The following TRPC3 variants were observed in gnomAD, a reference collection of about 807,000 sequenced individuals.
TRPC3 encodes the protein short transient receptor potential channel 3.
A neutral mutation model predicts 90.9 loss-of-function variants in TRPC3; 54 were observed. That is an observed-to-expected ratio of 0.59 (90% CI 0.48 to 0.75). TRPC3 has a LOEUF of 0.75. TRPC3 is among the 30% of genes least tolerant of loss of function. The probability of loss-of-function intolerance (pLI) is 0.00; values close to 1 mark genes in which losing one functional copy is unlikely to be tolerated. For missense variants in TRPC3, 918 were observed against 1,194.5 expected (o/e 0.77, Z 3.41); for synonymous variants, 424 against 450.9 (o/e 0.94, Z 0.75).
At chr4:121,942,470 A>G (rs1730353001) in intron 1 of TRPC3, among the ~76,000 whole-genome samples, 1 of 152,164 alleles carries the variant, frequency 6.6e-6, no homozygotes, top group South Asian at 2.1e-4. Context: ...GCTGAGGCAC[A>G]AGAATCAAGA....
rs201270718 is a variant in TRPC3 at position 121,951,535 on chromosome 4, G to C, written c.146C>G (p.Pro49Arg). 7.1e-7 allele frequency: 1 copy of C among 1,404,336 alleles called. No homozygotes were observed. The highest frequency in any genetic ancestry group is 1.5e-5 in the African/African-American group (1 of 65,928). 87.0% of individuals were successfully genotyped at this position (1,404,336 alleles called of 1,614,324 possible). Reference protein sequence around the residue: ...GWRGVNGGLEPRSAPSQREPH... With the variant: ...GWRGVNGGLERRSAPSQREPH... ...CTCCCGCTGCGAGGGCGCCGAGCGCGGCTCCAGCCCCCCGTTGACGCCCCT... is the reference window on the plus strand; with the variant it reads ...CTCCCGCTGCGAGGGCGCCGAGCGCCGCTCCAGCCCCCCGTTGACGCCCCT... The change falls in exon 1 of 12, where the codon CCG becomes CGG. Residue 49 changes from proline to arginine, a missense_variant. Pro to Arg is a moderately radical substitution (Grantham distance 103). Transcript: ENST00000379645. This position sits in a 1 kb window ranked among gnomAD's most constrained non-coding sequence, Gnocchi z 4.4.
At chr4:121,945,460 G>A (rs1270191123) in intron 1 of TRPC3, among the ~76,000 whole-genome samples, 1 of 152,152 alleles carries the variant, frequency 6.6e-6, no homozygotes, top group Non-Finnish European at 1.5e-5. Context: ...AAGGAGATGA[G>A]TTGTTAAAAT....
chr4:121,921,703 G>C (rs1472530753), intron 3 of TRPC3, among the ~76,000 whole-genome samples: 1 of 151,950 alleles, frequency 6.6e-6, no homozygotes, highest in Non-Finnish European at 1.5e-5. Flanking sequence ...AATCCCAATG[G>C]CTTGCATATG....
intron 10 of TRPC3, among the ~76,000 whole-genome samples, chr4:121,894,587 A>G (rs1728453638): frequency 2.1e-5 from 2 of 97,380 alleles, no homozygotes; most frequent in African/African-American, 3.8e-5. Context: ...TTTTTGAGAC[A>G]GTGTCTCACT....
intron 3 of TRPC3, among the ~76,000 whole-genome samples, chr4:121,920,802 G>T (rs1324075001): frequency 6.6e-6 from 1 of 152,118 alleles, no homozygotes; most frequent in Non-Finnish European, 1.5e-5. Context: ...ACAGGGCCCT[G>T]GATGTTTTCC....
intron 7 of TRPC3, among the ~76,000 whole-genome samples, 169 bp downstream of exon 7, chr4:121,907,134 G>A (rs1728907747): frequency 6.6e-6 from 1 of 152,062 alleles, no homozygotes; most frequent in African/African-American, 2.4e-5. Flanking sequence ...TAAGCTCAGA[G>A]ATGAGCCTTC....
At chr4:121,930,798 G>A (rs564488202) in intron 2 of TRPC3, 4 of 360,496 alleles carry the variant, frequency 1.1e-5, no homozygotes, top group East Asian at 9.8e-5. Context: ...GTCTCTAAAC[G>A]GAATTTGGAG....
intron 1 of TRPC3, among the ~76,000 whole-genome samples, chr4:121,944,456 G>A (rs1319577227): frequency 6.6e-6 from 1 of 151,992 alleles, no homozygotes; most frequent in South Asian, 2.1e-4. Context: ...GGATATTGTA[G>A]GCAGAGGAAA....
intron 11 of TRPC3, 137 bp downstream of exon 11, chr4:121,882,217 C>T (rs1727968008): frequency 1.5e-6 from 1 of 651,846 alleles, no homozygotes; most frequent in African/African-American, 1.9e-5. Flanking sequence ...AGAAACGTAA[C>T]ATAAGATCCT....
At chr4:121,912,511 A>T (rs1034576446) in intron 4 of TRPC3, among the ~76,000 whole-genome samples, 2 of 152,128 alleles carry the variant, frequency 1.3e-5, no homozygotes, top group Non-Finnish European at 2.9e-5. Context: ...GATCTTATAG[A>T]CTCATATAAG....
intron 1 of TRPC3, among the ~76,000 whole-genome samples, chr4:121,941,730 T>C (rs1730319214): frequency 6.6e-6 from 1 of 152,194 alleles, no homozygotes; most frequent in Non-Finnish European, 1.5e-5. Context: ...ATTTACACAA[T>C]AGGCTTATGT....
In TRPC3 at chr4:121,914,844, A is replaced by G. The variant is rs375572086; in HGVS notation, c.1277T>C (p.Val426Ala). 2.3e-5 allele frequency: 37 copies of G among 1,613,792 alleles called. No individual in the cohort carries two copies. The highest frequency in any genetic ancestry group is 2.8e-5 in the Non-Finnish European group (33 of 1,179,840). Reference protein sequence around the residue: ...EQTIAIKCLVVLVVALGLPFL... With the variant: ...EQTIAIKCLVALVVALGLPFL... ...TGGAAGGCCCAGGGCCACGACCAGCACAACGAGACACTTGATAGCTATGGT... is the reference window on the plus strand; with the variant it reads ...TGGAAGGCCCAGGGCCACGACCAGCGCAACGAGACACTTGATAGCTATGGT... Residue 426 changes from valine to alanine, a missense_variant, in exon 4 of 12, where the codon GTG becomes GCG. Val to Ala is a moderately conservative substitution (Grantham distance 64). Around this residue, in one of 4 missense-constraint regions of TRPC3, gnomAD observed 609 missense variants for 725.9 expected, o/e 0.84. Transcript: ENST00000379645.
chr4:121,898,725 TA>T (rs1728601347), intron 10 of TRPC3, among the ~76,000 whole-genome samples: 1 of 152,222 alleles, frequency 6.6e-6, no homozygotes, highest in African/African-American at 2.4e-5. Flanking sequence ...ATGGATATGC[TA>T]ATTACCCTGA....
intron 1 of TRPC3, among the ~76,000 whole-genome samples, chr4:121,948,618 C>G (rs1204355492): frequency 6.6e-6 from 1 of 152,172 alleles, no homozygotes; most frequent in African/African-American, 2.4e-5. Context: ...CCAGCTAAAT[C>G]TCACTGCTCC....
intron 2 of TRPC3, 58 bp from the exon 3 acceptor site, chr4:121,925,264 G>A: frequency 1.3e-6 from 2 of 1,513,022 alleles, no homozygotes; most frequent in Non-Finnish European, 1.8e-6. Context: ...TCAGTGGAAA[G>A]TATTTGGGTG....
intron 10 of TRPC3, among the ~76,000 whole-genome samples, chr4:121,888,242 A>AG (rs1489373648): frequency 1.3e-5 from 2 of 152,178 alleles, no homozygotes; most frequent in Non-Finnish European, 2.9e-5. Flanking sequence ...ATTGTTTTGG[A>AG]GAAAAAAACC....
At chr4:121,940,477 T>G (rs1730270652) in intron 1 of TRPC3, among the ~76,000 whole-genome samples, 3 of 152,214 alleles carry the variant, frequency 2.0e-5, no homozygotes, top group Non-Finnish European at 4.4e-5. Context: ...GTGAGTGATT[T>G]CTTGACCCTT....
intron 1 of TRPC3, among the ~76,000 whole-genome samples, chr4:121,948,642 A>G (rs1208772358): frequency 1.3e-5 from 2 of 152,248 alleles, no homozygotes; most frequent in East Asian, 1.9e-4. Context: ...ATACATATCT[A>G]TGTTCCAACC....
At chr4:121,944,575 T>A (rs2149154189) in intron 1 of TRPC3, among the ~76,000 whole-genome samples, 1 of 152,270 alleles carries the variant, frequency 6.6e-6, no homozygotes, top group Non-Finnish European at 1.5e-5. Context: ...TCTAACTCAG[T>A]CCTCAGAAGA....
Sources: allele counts gnomAD v4.1 joint callset (sites outside exome capture counted in the v4.1 genomes callset), GRCh38; gene constraint gnomAD v4.1.1; regional missense constraint gnomAD v4.1.1; non-coding constraint Gnocchi (gnomAD v3.1); transcripts MANE v1.5; gene names NCBI Gene and HGNC (gene_info 2026-07-23, HGNC 2026-07-21).